Variants in SHOX observed in about 807,000 individuals in gnomAD.
SHOX encodes the protein SHOX homeobox.
In SHOX, 12 loss-of-function variants were observed where a neutral mutation model predicts 29.6. The observed-to-expected ratio is 0.41, with a 90% confidence interval of 0.26 to 0.66. The LOEUF (loss-of-function observed/expected upper bound fraction) is 0.66, where lower values mean the gene tolerates loss of function less well. Among genes scored for constraint, SHOX ranks in the 30% least tolerant of loss-of-function variants. SHOX has a pLI of 0.35. For missense variants in SHOX, 499 were observed against 437.7 expected (o/e 1.14, Z -1.25); for synonymous variants, 214 against 200.6 (o/e 1.07, Z -0.57).
chrX:634,558 T>TTC (rs2052707111), intron 1 of SHOX, 60 bp from the exon 2 acceptor site: 7 of 1,580,586 alleles, frequency 4.4e-6, no homozygotes, highest in East Asian at 2.3e-5. Flanking sequence ...CACGAAGGGG[T>TTC]TCGCCACGTT....
At chrX:640,124 C>T (rs183680703) in intron 2 of SHOX, among the ~76,000 whole-genome samples, 10 of 152,048 alleles carry the variant, frequency 6.6e-5, no homozygotes, top group Non-Finnish European at 1.2e-4. Flanking sequence ...GAGGGTGGAT[C>T]GCTTGAGGTC....
In SHOX at chrX:631,031, G is replaced by A. The variant is rs751167018; in HGVS notation, c.134G>A (p.Arg45His). ...YREVLESGLARSRELGTSDSS... is the reference protein window; with the variant it reads ...YREVLESGLAHSRELGTSDSS... ...GAAGTTTTGGAGAGCGGACTGGCGC[G>A]CTCCCGGGAGCTGGGGACGTCGGAT... Residue 45 changes from arginine to histidine, a missense_variant, in exon 1 of 5, where the codon CGC becomes CAC. Transcript: ENST00000686671. 1 of 1,613,718 alleles carries A rather than the reference G, an allele frequency of 6.2e-7. No homozygotes were observed. The highest frequency in any genetic ancestry group is 8.5e-7 in the Non-Finnish European group (1 of 1,179,814).
At chrX:633,381 G>A (rs35395237) in intron 1 of SHOX, among the ~76,000 whole-genome samples, 73,355 of 151,402 alleles carry the variant, frequency 0.48, 18,802 homozygotes, top group South Asian at 0.64. Flanking sequence ...TCACTTGGGG[G>A]GAAGGAATGG....
At chrX:643,303 G>GATCT (rs2052896132) in intron 4 of SHOX, among the ~76,000 whole-genome samples, 1 of 146,004 alleles carries the variant, frequency 6.8e-6, no homozygotes, top group East Asian at 2.1e-4. Context: ...GAGGCTTGGA[G>GATCT]ATCTGGTGAG....
Position 644,395 on chromosome X carries a change from A to G in SHOX, c.638A>G (p.Gln213Arg). Reference protein sequence around the residue: ...GALRMPFQQVQAQLQLEGVAH... With the variant: ...GALRMPFQQVRAQLQLEGVAH... Reference sequence around the variant, plus strand: ...CCGCCGGGTCCGCTCCCGCAGGTCCAGGCTCAGCTGCAGCTGGAAGGCGTG... The same window carrying G: ...CCGCCGGGTCCGCTCCCGCAGGTCCGGGCTCAGCTGCAGCTGGAAGGCGTG... The change falls in exon 5 of 5, where the codon CAG (glutamine) becomes CGG (arginine). Residue 213 changes from glutamine (Q) to arginine (R), a missense_variant. Coordinates refer to ENST00000686671, the MANE Select transcript of SHOX (RefSeq NM_000451.4). 1 of 1,522,330 alleles carries G rather than the reference A, an allele frequency of 6.6e-7. No individual in the cohort carries two copies. The highest frequency in any genetic ancestry group is 2.0e-5 in the Admixed American group (1 of 50,210). The allele number at this position is 1,522,330 out of a possible 1,614,324, so 94.3% of individuals were successfully genotyped here.
rs2052633145 is a variant in SHOX at position 630,809 on chromosome X, G to A, written c.-89G>A. On this transcript the variant is annotated 5_prime_UTR_variant, in exon 1 of 5. Transcript: ENST00000686671. ...GAAAGGCGTAAATAACAGCGCTGGTGATCCACCCGCGCGCACGGGCCGTCC... is the reference window on the plus strand; with the variant it reads ...GAAAGGCGTAAATAACAGCGCTGGTAATCCACCCGCGCGCACGGGCCGTCC... The A allele has an allele frequency of 6.6e-6, 10 of 1,514,398 alleles. No individual in the cohort carries two copies. In the South Asian group the frequency reaches 9.0e-5, roughly 14 times the overall value. The allele number at this position is 1,514,398 out of a possible 1,614,324, so 93.8% of individuals were successfully genotyped here. A position where few individuals can be genotyped will look rare whatever the true frequency, so the allele number is the denominator to read the frequency against.
rs1231434981 is a variant in SHOX at position 648,483 on chromosome X, C to T, written c.*3847C>T. The stretch of plus-strand genomic sequence containing the variant: ...CTCAGGTTGACCTGCCCGCTTTGTC[C>T]CTCGCAAAGTGCTGGGATTACAGGC... On this transcript the variant is annotated 3_prime_UTR_variant, in exon 5 of 5. Coordinates refer to ENST00000686671, the MANE Select transcript of SHOX (RefSeq NM_000451.4). Among the ~76,000 whole-genome samples, 1 of 152,190 alleles carries T rather than the reference C, an allele frequency of 6.6e-6. No individual in the cohort carries two copies. Among genetic ancestry groups the T allele is most frequent in the Non-Finnish European group, 1.5e-5 (1 of 68,038 alleles).
chrX:624,890 CTTTCTTTCTTTCTCTCTTCCTTT>C (rs1569491677), intron 1 of SHOX, among the ~76,000 whole-genome samples: 5 of 61,584 alleles, frequency 8.1e-5, no homozygotes, highest in Middle Eastern at 7.0e-3. Context: ...TTCTTTCTTT[CTTTCTTTCTTTCTCTCTTCCTTT>C]CTTTCTTTCT....
rs2053011133 is a variant in SHOX at position 649,019 on chromosome X, C to CCT, written c.*4383_*4384insCT. On this transcript the variant is annotated 3_prime_UTR_variant, in exon 5 of 5. Coordinates refer to ENST00000686671, the MANE Select transcript of SHOX (RefSeq NM_000451.4). ...CTTTTCCTTTTTTGTTTCTTTCTTT[C>CCT]TTTTTCTTTCTTTCTTTTTCTTTCT... Among the ~76,000 whole-genome samples, 4 of 94,866 alleles carry CCT rather than the reference C, an allele frequency of 4.2e-5. No individual in the cohort carries two copies. 62.2% of individuals were successfully genotyped at this position (94,866 alleles called of 152,430 possible). A position where few individuals can be genotyped will look rare whatever the true frequency, so the allele number is the denominator to read the frequency against.
Position 644,813 on chromosome X carries a change from C to A in SHOX, c.*177C>A. Reference sequence around the variant, plus strand: ...GGCTCCCGGGACCGTCCACGCACGACCCAGCCAGACCCTCGCGGAGATGGT... The same window carrying A: ...GGCTCCCGGGACCGTCCACGCACGAACCAGCCAGACCCTCGCGGAGATGGT... On this transcript the variant is annotated 3_prime_UTR_variant, in exon 5 of 5. Coordinates refer to ENST00000686671, the MANE Select transcript of SHOX (RefSeq NM_000451.4). 1.3e-6 allele frequency: 1 copy of A among 781,966 alleles called. No homozygotes were observed. Among genetic ancestry groups the A allele is most frequent in the Non-Finnish European group, 1.8e-6 (1 of 551,170 alleles). The allele number at this position is 781,966 out of a possible 1,614,324, so 48.4% of individuals were successfully genotyped here. A position where few individuals can be genotyped will look rare whatever the true frequency, so the allele number is the denominator to read the frequency against.
At chrX:627,944 G>A (rs976879344), upstream of SHOX, among the ~76,000 whole-genome samples, 1 of 152,142 alleles carries the variant, frequency 6.6e-6, no homozygotes, top group Non-Finnish European at 1.5e-5. Context: ...CAGTTTCCCA[G>A]CAGAGGCAGA....
intron 2 of SHOX, among the ~76,000 whole-genome samples, chrX:638,757 G>A (rs1396979925): frequency 2.0e-5 from 3 of 152,176 alleles, no homozygotes; most frequent in African/African-American, 7.2e-5. Context: ...ACCGGCCCTG[G>A]GCCATGCACA....
At chrX:628,128 TC>T (rs951550448), upstream of SHOX, among the ~76,000 whole-genome samples, 1 of 151,854 alleles carries the variant, frequency 6.6e-6, no homozygotes. Context: ...TTTGTCTCTC[TC>T]TGTATCTCTA....
chrX:634,540 G>A (rs1322238432), intron 1 of SHOX, 78 bp from the exon 2 acceptor site: 2 of 1,494,624 alleles, frequency 1.3e-6, no homozygotes, highest in Non-Finnish European at 1.8e-6. Context: ...CCTTTCCACC[G>A]CGGGATGCAC....
chrX:631,762 C>T, intron 1 of SHOX: 3 of 400,272 alleles, frequency 7.5e-6, no homozygotes, highest in South Asian at 1.8e-5. Context: ...GAACTCCTGA[C>T]CTCAGGTGAT....
chrX:635,132 G>A (rs2052722827), intron 2 of SHOX, among the ~76,000 whole-genome samples: 1 of 151,750 alleles, frequency 6.6e-6, no homozygotes, highest in East Asian at 1.9e-4. Flanking sequence ...ATATTTGTTC[G>A]TCCTTGGTGC....
chrX:654,068 C>G (rs1291361340), downstream of SHOX, among the ~76,000 whole-genome samples: 12 of 152,022 alleles, frequency 7.9e-5, no homozygotes, highest in Non-Finnish European at 2.9e-5. Context: ...CTCACAGATG[C>G]TGAGAGTTAA....
At chrX:632,880 G>A (rs1221302072) in intron 1 of SHOX, among the ~76,000 whole-genome samples, 2 of 152,184 alleles carry the variant, frequency 1.3e-5, no homozygotes, top group African/African-American at 4.8e-5. Flanking sequence ...GCGCCCGGCG[G>A]CCGCTTCTGT....
rs761766955 is a variant in SHOX, at chrX:644,433, C to G, written c.676C>G (p.Pro226Ala). 8 of 1,521,736 alleles carry G rather than the reference C, an allele frequency of 5.3e-6. 1 individual carries two copies. The Admixed American group carries it at 1.6e-4, about 30-fold the overall frequency. The allele number at this position is 1,521,736 out of a possible 1,614,324, so 94.3% of individuals were successfully genotyped here. A position where few individuals can be genotyped will look rare whatever the true frequency, so the allele number is the denominator to read the frequency against. The change falls in exon 5 of 5, where the codon CCG becomes GCG. Residue 226 changes from proline (P) to alanine (A), a missense_variant. Transcript: ENST00000686671. ...GCTGGAAGGCGTGGCCCACGCGCAC[C>G]CGCACCTGCACCCGCACCTGGCGGC... Reference protein sequence around the residue: ...LQLEGVAHAHPHLHPHLAAHA... With the variant: ...LQLEGVAHAHAHLHPHLAAHA...
Sources: gnomAD v4.1 joint callset for allele counts (sites outside exome capture counted in the v4.1 genomes callset) on GRCh38, gnomAD v4.1.1 for gene constraint, MANE v1.5 for transcripts, NCBI Gene and HGNC (gene_info 2026-07-23, HGNC 2026-07-21) for gene names.